The following LRBA variants were observed in gnomAD, a reference collection of about 807,000 sequenced individuals.
LRBA encodes the protein LPS responsive beige-like anchor protein, also known as lipopolysaccharide-responsive and beige-like anchor protein.
A neutral mutation model predicts 330.0 loss-of-function variants in LRBA; 176 were observed. The ratio of observed to expected loss-of-function variants is 0.53; its 90% confidence interval spans 0.47 to 0.60. The LOEUF (loss-of-function observed/expected upper bound fraction) is 0.60. Among genes scored for constraint, LRBA ranks in the 20% least tolerant of loss-of-function variants. The pLI is 0.00. For missense variants in LRBA, 3,259 were observed against 3,444.8 expected (o/e 0.95, Z 1.35); for synonymous variants, 1,230 against 1,193.0 (o/e 1.03, Z -0.64).
intron 34 of LRBA, among the ~76,000 whole-genome samples, chr4:150,765,445 A>G (rs1416833801): frequency 2.6e-5 from 4 of 152,162 alleles, no homozygotes; most frequent in Non-Finnish European, 4.4e-5. Flanking sequence ...TTCATGCATT[A>G]TAACACACAT....
chr4:150,369,264 A>T (rs1229326181), intron 47 of LRBA, among the ~76,000 whole-genome samples: 1 of 152,150 alleles, frequency 6.6e-6, no homozygotes, highest in Non-Finnish European at 1.5e-5. Flanking sequence ...CATGGACATC[A>T]TGTTTTGCAA....
chr4:150,472,328 G>C (rs1227397376), intron 42 of LRBA, among the ~76,000 whole-genome samples: 1 of 151,996 alleles, frequency 6.6e-6, no homozygotes. Context: ...ACAAAGAGTA[G>C]TGAGAAACAG....
At chr4:150,465,388 T>C (rs1755316051) in intron 44 of LRBA, among the ~76,000 whole-genome samples, 1 of 152,170 alleles carries the variant, frequency 6.6e-6, no homozygotes, top group South Asian at 2.1e-4. Flanking sequence ...AATTATCTGT[T>C]CTTATCCCTA....
chr4:150,289,874 TA>T (rs1748623874), intron 53 of LRBA, among the ~76,000 whole-genome samples: 1 of 152,210 alleles, frequency 6.6e-6, no homozygotes, highest in Non-Finnish European at 1.5e-5. Context: ...CAAAACTGTT[TA>T]AGTTCAATGG....
At chr4:150,970,556 T>TGTGTGTGTGTGTAC (rs1166996824) in intron 2 of LRBA, 2 of 41,688 alleles carry the variant, frequency 4.8e-5, no homozygotes, top group African/African-American at 1.3e-4. Context: ...TGTGTGTGTG[T>TGTGTGTGTGTGTAC]ACACACACAC....
intron 35 of LRBA, among the ~76,000 whole-genome samples, chr4:150,745,884 T>A (rs1295912309): frequency 2.0e-5 from 3 of 152,220 alleles, no homozygotes. Context: ...GTTTTCAAGA[T>A]GTCCATTTAC....
At chr4:150,384,142 G>A (rs987498379) in intron 47 of LRBA, among the ~76,000 whole-genome samples, 1 of 151,936 alleles carries the variant, frequency 6.6e-6, no homozygotes, top group African/African-American at 2.4e-5. Flanking sequence ...GGGTTCAAGC[G>A]ATTCTCCTGC....
intron 16 of LRBA, 108 bp downstream of exon 16, chr4:150,896,286 C>T: frequency 1.7e-6 from 1 of 600,344 alleles, no homozygotes; most frequent in Non-Finnish European, 2.9e-6. Context: ...ACATTTACTC[C>T]CCATTACAGT....
At chr4:150,770,813 G>A (rs1358799116) in intron 34 of LRBA, among the ~76,000 whole-genome samples, 1 of 152,058 alleles carries the variant, frequency 6.6e-6, no homozygotes, top group East Asian at 1.9e-4. Flanking sequence ...GAAGGGTCTG[G>A]GCTGCTTTAG....
At chr4:150,847,047 A>C (rs1376117325) in intron 26 of LRBA, among the ~76,000 whole-genome samples, 2 of 152,162 alleles carry the variant, frequency 1.3e-5, no homozygotes, top group Non-Finnish European at 2.9e-5. Flanking sequence ...ATAAAGTCTA[A>C]ATATTTTAAT....
intron 40 of LRBA, among the ~76,000 whole-genome samples, chr4:150,549,198 C>T (rs953215715): frequency 2.6e-5 from 4 of 151,888 alleles, no homozygotes; most frequent in African/African-American, 9.7e-5. Context: ...TGTCCTATTA[C>T]CAATATAACT....
chr4:150,479,494 T>C (rs1340787945), intron 42 of LRBA, among the ~76,000 whole-genome samples: 1 of 152,174 alleles, frequency 6.6e-6, no homozygotes, highest in African/African-American at 2.4e-5. Context: ...AAAAATTATC[T>C]AATCAAAAGC....
At chr4:150,534,786 C>T (rs1764465903) in intron 40 of LRBA, among the ~76,000 whole-genome samples, 1 of 152,070 alleles carries the variant, frequency 6.6e-6, no homozygotes, top group African/African-American at 2.4e-5. Context: ...TTGTTTCACC[C>T]TCTAAACATT....
chr4:150,961,138 T>C (rs1381847126), intron 2 of LRBA, among the ~76,000 whole-genome samples: 1 of 149,150 alleles, frequency 6.7e-6, no homozygotes, highest in Non-Finnish European at 1.5e-5. Context: ...TGGCTGTAGA[T>C]GAGATTCAGC....
intron 37 of LRBA, among the ~76,000 whole-genome samples, chr4:150,608,103 T>A (rs1021193160): frequency 6.6e-6 from 1 of 151,992 alleles, no homozygotes; most frequent in Non-Finnish European, 1.5e-5. Context: ...CCCAGCTACT[T>A]GGGAAGCAGA....
intron 56 of LRBA, among the ~76,000 whole-genome samples, chr4:150,277,361 G>A (rs1289220047): frequency 1.3e-5 from 2 of 152,118 alleles, no homozygotes; most frequent in Non-Finnish European, 2.9e-5. Context: ...CATGGCACAT[G>A]TATACCTATG....
chr4:150,715,219 T>C (rs941819607), intron 36 of LRBA, among the ~76,000 whole-genome samples: 2 of 152,168 alleles, frequency 1.3e-5, no homozygotes, highest in African/African-American at 4.8e-5. Flanking sequence ...AGTTCATACC[T>C]AGAAACTCTA....
intron 2 of LRBA, among the ~76,000 whole-genome samples, chr4:150,979,631 T>G (rs2149601653): frequency 6.6e-6 from 1 of 151,460 alleles, no homozygotes. Context: ...GTGTAGAGCT[T>G]TTATTAGTTT....
chr4:150,993,896 C>T (rs1453238742), intron 2 of LRBA, among the ~76,000 whole-genome samples: 1 of 151,722 alleles, frequency 6.6e-6, no homozygotes, highest in Admixed American at 6.6e-5. Flanking sequence ...TATCACCCAT[C>T]CCTACTAAAA....
Sources: gnomAD v4.1 joint callset for allele counts (sites outside exome capture counted in the v4.1 genomes callset) on GRCh38, gnomAD v4.1.1 for gene constraint, MANE v1.5 for transcripts, NCBI Gene and HGNC (gene_info 2026-07-23, HGNC 2026-07-21) for gene names.